Variants in INSR observed in about 807,000 individuals in gnomAD.
INSR encodes insulin receptor.
A neutral mutation model predicts 142.6 loss-of-function variants in INSR; 67 were observed. The observed-to-expected ratio is 0.47, with a 90% CI of 0.39 to 0.58. The LOEUF is 0.58. Ranked by LOEUF, INSR falls within the 20% of genes least tolerant of loss-of-function variation. The pLI is 0.00. For missense variants in INSR, 1,248 were observed against 1,833.2 expected (o/e 0.68, Z 5.83); for synonymous variants, 756 against 743.1 (o/e 1.02, Z -0.28).
intron 2 of INSR, among the ~76,000 whole-genome samples, chr19:7,254,206 C>T (rs1413817948): frequency 6.6e-6 from 1 of 151,702 alleles, no homozygotes; most frequent in Non-Finnish European, 1.5e-5. Context: ...CCCATCTCTA[C>T]AAAAAGAAAA....
At chr19:7,271,606 C>G (rs1365146447) in intron 1 of INSR, among the ~76,000 whole-genome samples, 1 of 152,140 alleles carries the variant, frequency 6.6e-6, no homozygotes, top group Non-Finnish European at 1.5e-5. Context: ...AATATTAAAC[C>G]AAGAATTGCC....
chr19:7,165,673 G>A (rs35482402), intron 8 of INSR, among the ~76,000 whole-genome samples: 32,279 of 151,678 alleles, frequency 0.21, 3,739 homozygotes, highest in Non-Finnish European at 0.24. Flanking sequence ...GACCAGCCTG[G>A]GTAACACAGC....
intron 2 of INSR, among the ~76,000 whole-genome samples, chr19:7,247,252 T>A (rs1488942914): frequency 6.6e-6 from 1 of 152,084 alleles, no homozygotes; most frequent in African/African-American, 2.4e-5. Context: ...ATCCACTTCC[T>A]CCAAACCCAC....
chr19:7,233,816 C>T (rs2145133202), intron 2 of INSR, among the ~76,000 whole-genome samples: 1 of 151,940 alleles, frequency 6.6e-6, no homozygotes, highest in Admixed American at 6.6e-5. Context: ...GCTGGGACTA[C>T]AGGCGCCCGC....
At chr19:7,185,762 G>C (rs910824453) in intron 2 of INSR, among the ~76,000 whole-genome samples, 6 of 147,194 alleles carry the variant, frequency 4.1e-5, no homozygotes, top group African/African-American at 1.5e-4. Flanking sequence ...AGAATCACTT[G>C]AATCTGGGAG....
chr19:7,227,648 T>G (rs1234542861), intron 2 of INSR, among the ~76,000 whole-genome samples: 1 of 152,164 alleles, frequency 6.6e-6, no homozygotes, highest in Non-Finnish European at 1.5e-5. Context: ...TCCAGCCAGC[T>G]TAGACCTAAT....
intron 2 of INSR, among the ~76,000 whole-genome samples, chr19:7,197,916 A>AGTGT (rs1333588019): frequency 1.4e-4 from 10 of 71,338 alleles, no homozygotes; most frequent in African/African-American, 7.3e-4. Context: ...TTCCAGAGTG[A>AGTGT]GAGTGTGTGT....
intron 2 of INSR, among the ~76,000 whole-genome samples, chr19:7,197,842 G>GAGAA (rs567377997): frequency 0.012 from 1,502 of 122,018 alleles, 126 homozygotes; most frequent in African/African-American, 0.028. Context: ...GAACGAGAGA[G>GAGAA]AGAGAGAGAG....
At chr19:7,223,262 C>G (rs1191950930) in intron 2 of INSR, among the ~76,000 whole-genome samples, 1 of 152,182 alleles carries the variant, frequency 6.6e-6, no homozygotes, top group East Asian at 1.9e-4. Flanking sequence ...TTACATGTCA[C>G]AAGCATTAAT....
chr19:7,203,970 C>T (rs1975034607), intron 2 of INSR, among the ~76,000 whole-genome samples: 1 of 152,186 alleles, frequency 6.6e-6, no homozygotes, highest in Non-Finnish European at 1.5e-5. Flanking sequence ...GCAATCTCTG[C>T]CTCCCAGGTT....
intron 2 of INSR, among the ~76,000 whole-genome samples, chr19:7,189,756 CAG>C: frequency 6.6e-6 from 1 of 151,782 alleles, no homozygotes; most frequent in African/African-American, 2.4e-5. Context: ...CTCTGTGTCC[CAG>C]GTTCAAGCAA....
chr19:7,122,166 C>T (rs1351788408), intron 19 of INSR, among the ~76,000 whole-genome samples: 3 of 142,036 alleles, frequency 2.1e-5, no homozygotes, highest in East Asian at 2.2e-4. Flanking sequence ...AAAAAAAAGC[C>T]GGTGCAGTGG....
chr19:7,206,858 A>T (rs1975118414), intron 2 of INSR, among the ~76,000 whole-genome samples: 1 of 152,194 alleles, frequency 6.6e-6, no homozygotes, highest in Non-Finnish European at 1.5e-5. Flanking sequence ...GTTGTCAACC[A>T]CACTTCCTGA....
intron 2 of INSR, among the ~76,000 whole-genome samples, chr19:7,211,894 C>G (rs1169516494): frequency 1.4e-5 from 2 of 141,954 alleles, no homozygotes. Flanking sequence ...CACGCCTTCT[C>G]CTTGTATTCT....
At chr19:7,245,010 A>C (rs958922252) in intron 2 of INSR, among the ~76,000 whole-genome samples, 6 of 138,308 alleles carry the variant, frequency 4.3e-5, no homozygotes. Context: ...ATCTCGGCTC[A>C]CTGCAAGCTC....
chr19:7,209,895 GA>G (rs1407880826), intron 2 of INSR, among the ~76,000 whole-genome samples: 1 of 152,092 alleles, frequency 6.6e-6, no homozygotes, highest in Non-Finnish European at 1.5e-5. Flanking sequence ...AGCACCTCCA[GA>G]ACAAAAACGC....
At chr19:7,185,357 A>AT (rs1251498992) in intron 2 of INSR, among the ~76,000 whole-genome samples, 1 of 152,082 alleles carries the variant, frequency 6.6e-6, no homozygotes, top group Non-Finnish European at 1.5e-5. Flanking sequence ...TAGCTCCTTT[A>AT]TTTTTTTGTT....
chr19:7,287,711 G>A (rs768158483), intron 1 of INSR, among the ~76,000 whole-genome samples: 3 of 152,030 alleles, frequency 2.0e-5, no homozygotes, highest in Non-Finnish European at 4.4e-5. Context: ...CATCTCTTGC[G>A]GTGTAAAGAG....
rs965230087 is a variant in INSR at position 7,293,772 on chromosome 19, G to T, written c.100+20C>A. On this transcript the variant is annotated intron_variant, in intron 1 of 21. Coordinates refer to ENST00000302850, the MANE Select transcript of INSR (RefSeq NM_000208.4). Reference sequence around the variant, plus strand: ...CCCCATCGCGGCGCTCCCCGCCCACGCCCGCGCCCCCAGACTCACCCTCTC... The same window carrying T: ...CCCCATCGCGGCGCTCCCCGCCCACTCCCGCGCCCCCAGACTCACCCTCTC... 1 of 1,332,686 alleles carries T rather than the reference G, an allele frequency of 7.5e-7. No homozygotes were observed. The allele number at this position is 1,332,686 out of a possible 1,614,324, so 82.6% of individuals were successfully genotyped here.
Sources: gnomAD v4.1 joint callset for allele counts (sites outside exome capture counted in the v4.1 genomes callset) on GRCh38, gnomAD v4.1.1 for gene constraint, MANE v1.5 for transcripts, NCBI Gene and HGNC (gene_info 2026-07-23, HGNC 2026-07-21) for gene names.